Variants in RNF149 observed in about 807,000 individuals in gnomAD.
The protein encoded by RNF149 is ring finger protein 149, also known as E3 ubiquitin-protein ligase RNF149.
In RNF149, 21 loss-of-function variants were observed where a neutral mutation model predicts 39.0. The ratio of observed to expected loss-of-function variants is 0.54; its 90% confidence interval spans 0.38 to 0.77. The LOEUF (loss-of-function observed/expected upper bound fraction) is 0.77. RNF149 is among the 30% of genes least tolerant of loss of function. The pLI is 0.00. For synonymous variants in RNF149, 209 were observed against 213.6 expected, an observed-to-expected ratio of 0.98 and a Z score of 0.19; for missense variants, 493 against 534.9, an observed-to-expected ratio of 0.92 and a Z score of 0.77.
downstream of RNF149, among the ~76,000 whole-genome samples, chr2:101,272,520 G>T (rs1174019190): frequency 6.6e-6 from 1 of 152,082 alleles, no homozygotes; most frequent in Non-Finnish European, 1.5e-5. Context: ...TGTTGTAGGT[G>T]GCGTTTCTAG....
downstream of RNF149, among the ~76,000 whole-genome samples, chr2:101,275,103 G>GT (rs1682279556): frequency 8.2e-6 from 1 of 121,364 alleles, no homozygotes; most frequent in African/African-American, 3.1e-5. Flanking sequence ...CCCTTCCCTA[G>GT]TATTTCTGTT....
intron 1 of RNF149, among the ~76,000 whole-genome samples, chr2:101,295,959 C>T (rs1481025421): frequency 6.6e-6 from 1 of 151,956 alleles, no homozygotes; most frequent in African/African-American, 2.4e-5. Flanking sequence ...TGGAGACCAG[C>T]CTGTGTAAGC....
chr2:101,304,210 A>G (rs1055881208), intron 1 of RNF149, among the ~76,000 whole-genome samples: 6 of 152,190 alleles, frequency 3.9e-5, no homozygotes, highest in Admixed American at 3.3e-4. Flanking sequence ...CAGCCTGACC[A>G]ACATGGCAAA....
rs193144305 is a variant in RNF149, at chr2:101,308,664, G to C, written c.-76C>G. 3.8e-6 allele frequency: 5 copies of C among 1,309,028 alleles called. No individual in the cohort carries two copies. Among genetic ancestry groups the C allele is most frequent in the Admixed American group, 3.2e-5 (1 of 31,260 alleles). 81.1% of individuals were successfully genotyped at this position (1,309,028 alleles called of 1,614,324 possible). A position where few individuals can be genotyped will look rare whatever the true frequency, so the allele number is the denominator to read the frequency against. Reference sequence around the variant, plus strand: ...GTGCAGTCGAAGAGCAGAGAGAAGCGGACACCCACCGCCGCCCTGGAAGAC... The same window carrying C: ...GTGCAGTCGAAGAGCAGAGAGAAGCCGACACCCACCGCCGCCCTGGAAGAC... On this transcript the variant is annotated 5_prime_UTR_variant, in exon 1 of 7. Coordinates refer to ENST00000295317, the MANE Select transcript of RNF149 (RefSeq NM_173647.4).
downstream of RNF149, among the ~76,000 whole-genome samples, chr2:101,272,127 T>C (rs1366823716): frequency 6.6e-6 from 1 of 152,200 alleles, no homozygotes; most frequent in Non-Finnish European, 1.5e-5. Context: ...TTACATCCTG[T>C]CCTTTTTATG....
intron 4 of RNF149, among the ~76,000 whole-genome samples, chr2:101,288,442 T>C (rs554807493): frequency 6.6e-6 from 1 of 152,052 alleles, no homozygotes; most frequent in African/African-American, 2.4e-5. Context: ...TTCACCATGT[T>C]GACCAGGCTA....
intron 6 of RNF149, among the ~76,000 whole-genome samples, chr2:101,279,887 G>A (rs1207375672): frequency 6.6e-6 from 1 of 152,122 alleles, no homozygotes; most frequent in East Asian, 1.9e-4. Context: ...TTCAAAACCT[G>A]AAGCATCGAT....
At chr2:101,300,584 A>T (rs1423603826) in intron 1 of RNF149, among the ~76,000 whole-genome samples, 1 of 152,210 alleles carries the variant, frequency 6.6e-6, no homozygotes, top group Non-Finnish European at 1.5e-5. Context: ...AGGCCAAAGC[A>T]GGTGGATCGC....
Position 101,295,009 on chromosome 2 carries a change from C to A in RNF149, c.633G>T (p.Met211Ile), listed in dbSNP as rs1330175934. The change falls in exon 2 of 7, where the codon ATG becomes ATT. Residue 211 changes from methionine (M) to isoleucine (I), a missense_variant. Transcript: ENST00000295317. The part of the protein sequence containing the change: ...VVFVAIAFIT[M>I]MIISLAWLIF... ...TTAGCCAGGCTAACGAGATAATCAT[C>A]ATGGTGATGAAGGCAATGGCCACAA... The A allele has an allele frequency of 6.2e-7, 1 of 1,613,926 alleles. No individual in the cohort carries two copies. The highest frequency in any genetic ancestry group is 1.3e-5 in the African/African-American group (1 of 74,902).
chr2:101,307,886 T>C (rs1683736171), intron 1 of RNF149: 1 of 985,284 alleles, frequency 1.0e-6, no homozygotes, highest in African/African-American at 1.7e-5. Context: ...ACGTCTTTAG[T>C]ACTCCCTTCA....
At chr2:101,294,645 C>A (rs2104416888) in intron 2 of RNF149, 1 of 304,414 alleles carries the variant, frequency 3.3e-6, no homozygotes, top group Non-Finnish European at 6.1e-6. Context: ...ACAGAGAGGC[C>A]CCCCCTTCCA....
At chr2:101,274,676 G>T (rs924627186), downstream of RNF149, among the ~76,000 whole-genome samples, 1 of 152,234 alleles carries the variant, frequency 6.6e-6, no homozygotes, top group African/African-American at 2.4e-5. Context: ...GAAGCAGGGG[G>T]CCCTGGGCGG....
At chr2:101,272,884 T>C (rs907001879), downstream of RNF149, 1 of 1,208,600 alleles carries the variant, frequency 8.3e-7, no homozygotes. Flanking sequence ...TTCAGTTCTC[T>C]TTGGGATGCC....
chr2:101,275,431 CTTTTTTTT>C (rs59154104), downstream of RNF149, among the ~76,000 whole-genome samples: 136 of 26,596 alleles, frequency 5.1e-3, no homozygotes, highest in African/African-American at 0.019. Context: ...CCTAGTATTT[CTTTTTTTT>C]TTTTTTTTTT....
intron 6 of RNF149, among the ~76,000 whole-genome samples, chr2:101,278,530 T>C (rs1417321359): frequency 1.3e-5 from 2 of 152,174 alleles, no homozygotes; most frequent in South Asian, 2.1e-4. Flanking sequence ...TATTTATAAA[T>C]ACAAAATTTG....
At chr2:101,273,227 C>G, downstream of RNF149, 1 of 871,584 alleles carries the variant, frequency 1.1e-6, no homozygotes, top group South Asian at 1.4e-5. Flanking sequence ...GGAAACAGGA[C>G]AGCAGGCAGG....
chr2:101,275,111 G>GTTTTTTTT (rs1165388203), downstream of RNF149, among the ~76,000 whole-genome samples: 16 of 51,060 alleles, frequency 3.1e-4, no homozygotes, highest in African/African-American at 5.2e-4. Flanking sequence ...TAGTATTTCT[G>GTTTTTTTT]TTTTTTTTTT....
chr2:101,281,142 T>C (rs1438514129), intron 6 of RNF149, among the ~76,000 whole-genome samples: 3 of 152,134 alleles, frequency 2.0e-5, no homozygotes, highest in Admixed American at 6.6e-5. Context: ...TAAGTATATA[T>C]ACATAATGAT....
chr2:101,298,560 G>A (rs573548802), intron 1 of RNF149, among the ~76,000 whole-genome samples: 16 of 152,302 alleles, frequency 1.1e-4, no homozygotes, highest in African/African-American at 3.8e-4. Flanking sequence ...TATGAAGGCT[G>A]AAGTAGCAGC....
Sources: allele counts gnomAD v4.1 joint callset (sites outside exome capture counted in the v4.1 genomes callset), GRCh38; gene constraint gnomAD v4.1.1; transcripts MANE v1.5; gene names NCBI Gene and HGNC (gene_info 2026-07-23, HGNC 2026-07-21).